Variants in ITGB6 observed in about 807,000 individuals in gnomAD.
ITGB6 encodes integrin subunit beta 6, also known as integrin beta-6.
ITGB6 carries 80 observed loss-of-function variants against 84.5 expected under a neutral mutation model. That is an observed-to-expected ratio of 0.95 (90% confidence interval 0.79 to 1.14). The LOEUF is 1.14. Ranked by LOEUF, ITGB6 falls within the 50% of genes most tolerant of loss-of-function variation. ITGB6 has a pLI of 0.00. For synonymous variants in ITGB6, 383 were observed against 354.9 expected (o/e 1.08, Z -0.89); for missense variants, 1,006 against 968.0 (o/e 1.04, Z -0.52).
chr2:160,136,764 A>C (rs1328401285), intron 10 of ITGB6, among the ~76,000 whole-genome samples: 1 of 152,182 alleles, frequency 6.6e-6, no homozygotes, highest in South Asian at 2.1e-4. Flanking sequence ...ACATGGATGA[A>C]GCTGGAAACC....
rs1696689136 is a variant in ITGB6, at chr2:160,100,846, T to C, written c.*890A>G. 1 of 152,226 alleles carries C rather than the reference T, an allele frequency of 6.6e-6. No homozygotes were observed. The highest frequency in any genetic ancestry group is 6.5e-5 in the Admixed American group (1 of 15,290). 9.4% of individuals were successfully genotyped at this position (152,226 alleles called of 1,614,324 possible). A position where few individuals can be genotyped will look rare whatever the true frequency, so the allele number is the denominator to read the frequency against. On this transcript the variant is annotated 3_prime_UTR_variant, in exon 15 of 15. Coordinates refer to ENST00000283249, the MANE Select transcript of ITGB6 (RefSeq NM_000888.5). ...TTTAACACATGTTCCTTTTATATTA[T>C]TGGATCGCTCTTTGAATAAACTAAG...
intron 6 of ITGB6, among the ~76,000 whole-genome samples, chr2:160,170,354 G>A (rs993905118): frequency 6.6e-6 from 1 of 152,176 alleles, no homozygotes; most frequent in Non-Finnish European, 1.5e-5. Context: ...AACTGCAAAT[G>A]GCTATGTCAT....
At position 160,195,406 on chromosome 2, in the gene ITGB6, C is replaced by A. The variant is rs375472275; in HGVS notation, c.556G>T (p.Val186Leu). The change falls in exon 4 of 15, where the codon GTG becomes TTG. Residue 186 changes from valine to leucine, a missense_variant. Val to Leu is a conservative substitution (Grantham distance 32, BLOSUM62 1). Transcript: ENST00000283249. The part of the protein sequence containing the change: ...SFVEKPVSPF[V>L]KTTPEEIANP... ...GCAATTTCTTCTGGTGTTGTTTTCA[C>A]AAAAGGGGATACAGGTTTTTCCACA... is the stretch of plus-strand genomic sequence containing the variant. 63 of 1,614,040 alleles carry A rather than the reference C, an allele frequency of 3.9e-5. No homozygotes were observed. The African/African-American group carries it at 7.9e-4, about 20-fold the overall frequency.
At chr2:160,151,624 C>T (rs1362396369) in intron 7 of ITGB6, among the ~76,000 whole-genome samples, 2 of 151,660 alleles carry the variant, frequency 1.3e-5, no homozygotes, top group African/African-American at 2.4e-5. Context: ...ATAAGAGACA[C>T]AAAAAACCCT....
chr2:160,107,721 A>T lies in ITGB6; in HGVS notation c.2226T>A (p.Val742=), dbSNP rs763900685. Residue 742 remains valine, a synonymous_variant, in exon 14 of 15, where the codon GTT becomes GTA. Transcript: ENST00000283249. ...LLVSFHDRKE[V]AKFEAERSKA... Reference sequence around the variant, plus strand: ...TTGATCGTTCTGCTTCAAATTTGGCAACTTCTTTACGATCATGAAATGACA... The same window carrying T: ...TTGATCGTTCTGCTTCAAATTTGGCTACTTCTTTACGATCATGAAATGACA... 3.7e-6 allele frequency: 6 copies of T among 1,613,958 alleles called. No individual in the cohort carries two copies. Among genetic ancestry groups the T allele is most frequent in the African/African-American group, 1.3e-5 (1 of 74,920 alleles).
chr2:160,127,889 G>GTGATCA (rs1683299301), intron 10 of ITGB6, among the ~76,000 whole-genome samples: 1 of 152,154 alleles, frequency 6.6e-6, no homozygotes, highest in South Asian at 2.1e-4. Flanking sequence ...CTCAAGCTGT[G>GTGATCA]TGATCATGAG....
At chr2:160,196,789 C>T (rs1274982920) in intron 2 of ITGB6, among the ~76,000 whole-genome samples, 1 of 152,086 alleles carries the variant, frequency 6.6e-6, no homozygotes, top group Non-Finnish European at 1.5e-5. Context: ...ACAGAGTTGA[C>T]ATCATCCCAT....
Position 160,172,722 on chromosome 2 carries a change from A to C in ITGB6, c.768T>G (p.Ile256Met). 1 of 1,594,064 alleles carries C rather than the reference A, an allele frequency of 6.3e-7. No individual in the cohort carries two copies. Among genetic ancestry groups the C allele is most frequent in the Non-Finnish European group, 8.6e-7 (1 of 1,163,096 alleles). The change falls in exon 6 of 15, where the codon ATT becomes ATG. Residue 256 changes from isoleucine (I) to methionine (M), a missense_variant. Coordinates refer to ENST00000283249, the MANE Select transcript of ITGB6 (RefSeq NM_000888.5). The part of the protein sequence containing the change: ...IMQAAVCKEK[I>M]GWRNDSLHLL... ...GGTGGAGGGAGTCATTCCGCCAGCC[A>C]ATTTTTTCCTACAGTGAGAAAGAAA... is the stretch of plus-strand genomic sequence containing the variant.
At chr2:160,107,390 G>A (rs1696950362) in intron 14 of ITGB6, among the ~76,000 whole-genome samples, 1 of 152,106 alleles carries the variant, frequency 6.6e-6, no homozygotes, top group Non-Finnish European at 1.5e-5. Context: ...GAAGCGCTGG[G>A]TAAAAATATA....
intron 6 of ITGB6, among the ~76,000 whole-genome samples, chr2:160,172,094 C>A (rs531745844): frequency 5.9e-5 from 9 of 152,182 alleles, no homozygotes; most frequent in Non-Finnish European, 1.0e-4. Context: ...ATGTCACTAG[C>A]ATTTTATAAA....
At chr2:160,186,881 G>A (rs1396316327) in intron 4 of ITGB6, among the ~76,000 whole-genome samples, 1 of 151,522 alleles carries the variant, frequency 6.6e-6, no homozygotes, top group Non-Finnish European at 1.5e-5. Flanking sequence ...ACCAAACAGT[G>A]CATGTTCTCA....
intron 13 of ITGB6, among the ~76,000 whole-genome samples, chr2:160,108,594 C>G (rs1697002322): frequency 6.6e-6 from 1 of 152,128 alleles, no homozygotes; most frequent in Admixed American, 6.5e-5. Flanking sequence ...TCTGATGATA[C>G]CAATAAGCTG....
At chr2:160,154,560 T>G (rs1684551594) in intron 7 of ITGB6, among the ~76,000 whole-genome samples, 1 of 152,204 alleles carries the variant, frequency 6.6e-6, no homozygotes, top group African/African-American at 2.4e-5. Context: ...TGTGCTTATG[T>G]ACCCTAGAAC....
At chr2:160,160,594 G>C (rs1684778979) in intron 7 of ITGB6, among the ~76,000 whole-genome samples, 1 of 152,056 alleles carries the variant, frequency 6.6e-6, no homozygotes, top group South Asian at 2.1e-4. Flanking sequence ...TGGATAATCA[G>C]ACATAAAATG....
chr2:160,174,874 G>T (rs1348104977), intron 4 of ITGB6, among the ~76,000 whole-genome samples: 1 of 152,190 alleles, frequency 6.6e-6, no homozygotes, highest in Non-Finnish European at 1.5e-5. Context: ...ATCGTATAGA[G>T]GAGAGGTTCT....
intron 10 of ITGB6, among the ~76,000 whole-genome samples, chr2:160,130,539 T>C (rs1034345817): frequency 6.6e-6 from 1 of 152,196 alleles, no homozygotes; most frequent in African/African-American, 2.4e-5. Flanking sequence ...GCATTATTTG[T>C]CTAATGAAAG....
intron 7 of ITGB6, among the ~76,000 whole-genome samples, chr2:160,158,936 T>C (rs1170473444): frequency 1.3e-5 from 2 of 151,948 alleles, no homozygotes; most frequent in African/African-American, 2.4e-5. Flanking sequence ...CCGTCTCTAA[T>C]AAAAATACAA....
chr2:160,126,444 G>A lies in ITGB6; in HGVS notation c.1818C>T (p.Asn606=), dbSNP rs1281680210. ...DCVCGKCVCT[N]PGASGPTCER... Reference sequence around the variant, plus strand: ...CACAGGTTGGTCCTGAGGCTCCAGGGTTTGTGCAAACACACTTGCCACAAA... The same window carrying A: ...CACAGGTTGGTCCTGAGGCTCCAGGATTTGTGCAAACACACTTGCCACAAA... Residue 606 remains asparagine, a synonymous_variant, in exon 11 of 15, where the codon AAC becomes AAT. Transcript: ENST00000283249. The A allele has an allele frequency of 8.7e-6, 14 of 1,614,182 alleles. No individual in the cohort carries two copies. The highest frequency in any genetic ancestry group is 1.7e-5 in the Admixed American group (1 of 60,030).
At chr2:160,114,160 T>C (rs1269594742) in intron 12 of ITGB6, among the ~76,000 whole-genome samples, 1 of 152,178 alleles carries the variant, frequency 6.6e-6, no homozygotes, top group Non-Finnish European at 1.5e-5. Context: ...TGGCAGAATA[T>C]GATCTTTGAG....
Sources: allele counts gnomAD v4.1 joint callset (sites outside exome capture counted in the v4.1 genomes callset), GRCh38; gene constraint gnomAD v4.1.1; transcripts MANE v1.5; gene names NCBI Gene and HGNC (gene_info 2026-07-23, HGNC 2026-07-21).